UNC13A: variants seen among roughly 807,000 people sequenced by gnomAD.
UNC13A encodes the protein protein unc-13 homolog A.
Under a neutral mutation model 219.7 loss-of-function variants are expected in UNC13A, and 61 were observed. The observed-to-expected ratio is 0.28, with a 90% CI of 0.23 to 0.34. The LOEUF (loss-of-function observed/expected upper bound fraction) is 0.34, where lower values mean the gene tolerates loss of function less well. Ranked by LOEUF, UNC13A falls within the 10% of genes least tolerant of loss-of-function variation. The pLI is 1.00. For missense variants in UNC13A, 1,476 were observed against 2,270.3 expected, an observed-to-expected ratio of 0.65 and a Z score of 7.11; for synonymous variants, 920 against 884.6, an observed-to-expected ratio of 1.04 and a Z score of -0.71.
chr19:17,674,636 T>C lies in UNC13A; in HGVS notation c.152+21A>G, dbSNP rs2079861274. ...TGGGCTATGCCAGGGAGTGAGGTCA[T>C]GCCAGACGCTGCAGACTCACAACAT... On this transcript the variant is annotated intron_variant, in intron 3 of 43. Coordinates refer to ENST00000519716, the MANE Select transcript of UNC13A (RefSeq NM_001080421.3). This position sits in a 1 kb window ranked among gnomAD's most constrained non-coding sequence, Gnocchi z 5.0. 1.2e-6 allele frequency: 2 copies of C among 1,610,850 alleles called. No individual in the cohort carries two copies. The highest frequency in any genetic ancestry group is 1.7e-6 in the Non-Finnish European group (2 of 1,177,612).
intron 19 of UNC13A, among the ~76,000 whole-genome samples, chr19:17,643,864 C>T (rs1394146041): frequency 6.6e-6 from 1 of 152,114 alleles, no homozygotes; most frequent in Non-Finnish European, 1.5e-5. Flanking sequence ...TCATGCTCCC[C>T]GGAGACTACA....
intron 2 of UNC13A, among the ~76,000 whole-genome samples, chr19:17,675,653 G>A (rs534728624): frequency 1.3e-5 from 2 of 148,682 alleles, no homozygotes; most frequent in South Asian, 4.2e-4. Flanking sequence ...AAAAGAAGAA[G>A]AAGAAAAGAA....
chr19:17,624,490 G>A (rs544944449), intron 35 of UNC13A, among the ~76,000 whole-genome samples: 4 of 152,238 alleles, frequency 2.6e-5, no homozygotes, highest in African/African-American at 9.6e-5. Context: ...GATGACCTCT[G>A]ACCTTTGAAA....
At chr19:17,621,993 G>A in intron 36 of UNC13A, 123 bp from the exon 37 acceptor site, 1 of 958,576 alleles carries the variant, frequency 1.0e-6, no homozygotes, top group East Asian at 2.4e-5. Flanking sequence ...TGGTGACTGG[G>A]TTGCATGGGG....
At chr19:17,608,702 G>C (rs2076567683) in intron 43 of UNC13A, among the ~76,000 whole-genome samples, 2 of 151,312 alleles carry the variant, frequency 1.3e-5, no homozygotes, top group African/African-American at 4.9e-5. Context: ...ATTTTTAGTA[G>C]AGACGGGGTT....
intron 1 of UNC13A, among the ~76,000 whole-genome samples, chr19:17,687,667 C>T (rs1159013250): frequency 6.6e-6 from 1 of 152,090 alleles, no homozygotes; most frequent in African/African-American, 2.4e-5. Flanking sequence ...TGGCCAAGCC[C>T]CTCTACCTAT....
intron 4 of UNC13A, among the ~76,000 whole-genome samples, chr19:17,670,485 C>T (rs981170323): frequency 2.3e-4 from 34 of 149,680 alleles, no homozygotes; most frequent in African/African-American, 8.1e-4. Context: ...AATCCACCTG[C>T]CTCAGCCTCC....
chr19:17,639,714 C>T, intron 23 of UNC13A, 126 bp downstream of exon 23: 1 of 1,229,822 alleles, frequency 8.1e-7, no homozygotes, highest in Non-Finnish European at 1.2e-6. Flanking sequence ...CAGGTGCACA[C>T]ATGCTGGAGG....
chr19:17,605,211 C>T lies in UNC13A; in HGVS notation c.*843G>A, dbSNP rs113687096. 2,351 of 152,860 alleles carry T rather than the reference C, an allele frequency of 0.015. 27 individuals are homozygous for T. Among genetic ancestry groups the T allele is most frequent in the Middle Eastern group, 0.058 (17 of 294 alleles). The allele number at this position is 152,860 out of a possible 1,614,324, so 9.5% of individuals were successfully genotyped here. A position where few individuals can be genotyped will look rare whatever the true frequency, so the allele number is the denominator to read the frequency against. On this transcript the variant is annotated 3_prime_UTR_variant, in exon 44 of 44. Coordinates refer to ENST00000519716, the MANE Select transcript of UNC13A (RefSeq NM_001080421.3). The stretch of plus-strand genomic sequence containing the variant: ...GATCTCAGCCCACCCTTCCATGGGG[C>T]ACACAGGCCTAAGGGAGGGGCACAG...
chr19:17,642,138 A>G (rs1213859045), intron 20 of UNC13A, among the ~76,000 whole-genome samples: 1 of 151,762 alleles, frequency 6.6e-6, no homozygotes, highest in Non-Finnish European at 1.5e-5. Context: ...ACTTCCATCC[A>G]TCCCATCCAA....
intron 31 of UNC13A, chr19:17,628,315 T>TTTCG: frequency 5.1e-6 from 1 of 195,720 alleles, no homozygotes; most frequent in Non-Finnish European, 1.0e-5. Flanking sequence ...TGAAGGCGTG[T>TTTCG]GCCCTCACCC....
Position 17,674,535 on chromosome 19 carries a change from G to T in UNC13A, c.152+122C>A. On this transcript the variant is annotated intron_variant, in intron 3 of 43. Coordinates refer to ENST00000519716, the MANE Select transcript of UNC13A (RefSeq NM_001080421.3). This position sits in a 1 kb window ranked among gnomAD's most constrained non-coding sequence, Gnocchi z 5.0. ...GAGGTGAAGGTGATAAGGTGGACAGGGGAAGAGGGAGGACAGAGGGGAGTC... is the reference window on the plus strand; with the variant it reads ...GAGGTGAAGGTGATAAGGTGGACAGTGGAAGAGGGAGGACAGAGGGGAGTC... 1 of 767,622 alleles carries T rather than the reference G, an allele frequency of 1.3e-6. No homozygotes were observed. The highest frequency in any genetic ancestry group is 2.2e-6 in the Non-Finnish European group (1 of 454,918). 47.6% of individuals were successfully genotyped at this position (767,622 alleles called of 1,614,324 possible).
chr19:17,657,390 G>A (rs1395550958), intron 9 of UNC13A, among the ~76,000 whole-genome samples: 1 of 152,078 alleles, frequency 6.6e-6, no homozygotes, highest in Non-Finnish European at 1.5e-5. Flanking sequence ...TCACTTACTT[G>A]TGCAAATGCC....
intron 12 of UNC13A, among the ~76,000 whole-genome samples, chr19:17,651,517 A>C (rs11672316): frequency 0.67 from 101,304 of 151,976 alleles, 34,822 homozygotes; most frequent in African/African-American, 0.85. Context: ...TGAGCCACCA[A>C]GCCTGGCCCC....
intron 8 of UNC13A, among the ~76,000 whole-genome samples, chr19:17,663,290 AC>A (rs1159386735): frequency 3.2e-4 from 45 of 142,130 alleles, no homozygotes; most frequent in African/African-American, 7.7e-4. Flanking sequence ...CTCCAGGCTA[AC>A]CCCCCCCACC....
In UNC13A at chr19:17,604,641, G is replaced by A. The variant is rs374000205; in HGVS notation, c.*1413C>T. The A allele has an allele frequency of 1.2e-4, 18 of 152,304 alleles. No individual in the cohort carries two copies. Among genetic ancestry groups the A allele is most frequent in the East Asian group, 9.6e-4 (5 of 5,200 alleles). 9.4% of individuals were successfully genotyped at this position (152,304 alleles called of 1,614,324 possible). ...AGAAAAAGGCGTGCCATACACACATGTGGAAAAGCAGATCCCAGAGCAAGT... is the reference window on the plus strand; with the variant it reads ...AGAAAAAGGCGTGCCATACACACATATGGAAAAGCAGATCCCAGAGCAAGT... On this transcript the variant is annotated 3_prime_UTR_variant, in exon 44 of 44. Transcript: ENST00000519716.
At chr19:17,685,579 GAC>G (rs957981602) in intron 1 of UNC13A, among the ~76,000 whole-genome samples, 8 of 152,294 alleles carry the variant, frequency 5.3e-5, no homozygotes, top group East Asian at 1.9e-4. Context: ...CGTGCTGGCA[GAC>G]ACACACACTC....
At chr19:17,635,137 A>T (rs576197465) in intron 26 of UNC13A, among the ~76,000 whole-genome samples, 25 of 152,278 alleles carry the variant, frequency 1.6e-4, no homozygotes, top group Non-Finnish European at 2.5e-4. Context: ...AAGTGCTGGG[A>T]TTACAGGGGT....
At chr19:17,630,430 T>G (rs2076830807) in intron 29 of UNC13A, 142 bp from the exon 30 acceptor site, 1 of 1,402,546 alleles carries the variant, frequency 7.1e-7, no homozygotes, top group African/African-American at 1.5e-5. Context: ...AGACTTAGAG[T>G]CAACTCTAGA....
Sources: gnomAD v4.1 joint callset for allele counts (sites outside exome capture counted in the v4.1 genomes callset) on GRCh38, gnomAD v4.1.1 for gene constraint, Gnocchi (gnomAD v3.1) non-coding constraint, MANE v1.5 for transcripts, NCBI Gene and HGNC (gene_info 2026-07-23, HGNC 2026-07-21) for gene names.